Variants in CFAP221 observed in about 807,000 individuals in gnomAD.
The protein encoded by CFAP221 is cilia and flagella associated protein 221.
A neutral mutation model predicts 113.1 loss-of-function variants in CFAP221; 97 were observed. That is an observed-to-expected ratio of 0.86 (90% confidence interval 0.73 to 1.02). The LOEUF (loss-of-function observed/expected upper bound fraction) is 1.02. CFAP221 is among the 50% of genes least tolerant of loss of function. The pLI, the probability that CFAP221 is intolerant of heterozygous loss-of-function variation, is 0.00. For synonymous variants in CFAP221, 331 were observed against 354.4 expected (o/e 0.93, Z 0.74); for missense variants, 1,025 against 1,013.4 (o/e 1.01, Z -0.16).
chr2:119,571,834 C>G (rs7596441), intron 6 of CFAP221, among the ~76,000 whole-genome samples: 21,917 of 152,252 alleles, frequency 0.14, 1,661 homozygotes, highest in African/African-American at 0.18. Flanking sequence ...ACCATAAATT[C>G]AGCAAAAGGT....
chr2:119,598,790 C>T (rs1170359553), intron 7 of CFAP221, among the ~76,000 whole-genome samples: 2 of 152,218 alleles, frequency 1.3e-5, no homozygotes, highest in Admixed American at 6.5e-5. Flanking sequence ...GTTGCCTAGA[C>T]TACACCTTCA....
chr2:119,576,887 TG>T (rs1349938355), intron 6 of CFAP221, among the ~76,000 whole-genome samples: 1 of 152,274 alleles, frequency 6.6e-6, no homozygotes. Flanking sequence ...CTTCTGTTTT[TG>T]TTGATCACAT....
intron 15 of CFAP221, among the ~76,000 whole-genome samples, chr2:119,626,174 A>T (rs978907360): frequency 2.0e-4 from 31 of 152,024 alleles, no homozygotes; most frequent in African/African-American, 7.3e-4. Context: ...TCCTTGTGTG[A>T]GTCTGACTCC....
chr2:119,625,802 A>G (rs779137181), intron 15 of CFAP221, 114 bp downstream of exon 15: 14 of 790,702 alleles, frequency 1.8e-5, no homozygotes, highest in Non-Finnish European at 2.8e-5. Context: ...CCAGTCACAA[A>G]TGTTAGTTTC....
chr2:119,621,692 C>T (rs765925313), intron 14 of CFAP221, among the ~76,000 whole-genome samples: 1 of 152,186 alleles, frequency 6.6e-6, no homozygotes, highest in Non-Finnish European at 1.5e-5. Flanking sequence ...AAGAGTCTCT[C>T]AGACGACAGT....
In CFAP221 at chr2:119,626,098, C is replaced by T. The variant is rs191985755; in HGVS notation, c.1516+410C>T. Reference sequence around the variant, plus strand: ...TGCCTTTTCCAGCTCCTGGAGTCCACCTGCATTCCTTGGCTTATGGCCCCT... The same window carrying T: ...TGCCTTTTCCAGCTCCTGGAGTCCATCTGCATTCCTTGGCTTATGGCCCCT... On this transcript the variant is annotated intron_variant, in intron 15 of 23. Transcript: ENST00000413369. Among the ~76,000 whole-genome samples, 653 of 152,284 alleles carry T rather than the reference C, an allele frequency of 4.3e-3. 9 individuals are homozygous for T. The highest frequency in any genetic ancestry group is 5.2e-3 in the Non-Finnish European group (353 of 68,016).
At chr2:119,545,039 G>A (rs1028452232) in intron 1 of CFAP221, 1 of 152,028 alleles carries the variant, frequency 6.6e-6, no homozygotes, top group African/African-American at 2.4e-5. Flanking sequence ...GGTGGTGCGA[G>A]GGGAGGGGAG....
chr2:119,652,185 A>G (rs1314473379), intron 23 of CFAP221, 116 bp downstream of exon 23: 1 of 652,030 alleles, frequency 1.5e-6, no homozygotes, highest in South Asian at 3.0e-5. Flanking sequence ...TGAAAGAGAC[A>G]CATTTCTGGT....
At chr2:119,574,105 A>G (rs1265730133) in intron 6 of CFAP221, among the ~76,000 whole-genome samples, 2 of 152,218 alleles carry the variant, frequency 1.3e-5, no homozygotes, top group African/African-American at 4.8e-5. Context: ...TGTTGACCTT[A>G]TAAAAGCCTA....
At chr2:119,546,457 G>A (rs536297197) in intron 2 of CFAP221, among the ~76,000 whole-genome samples, 187 bp downstream of exon 2, 50 of 152,298 alleles carry the variant, frequency 3.3e-4, no homozygotes, top group Admixed American at 9.2e-4. Context: ...TTTTTGTGGG[G>A]TATGTAAATT....
chr2:119,658,382 T>A (rs1688520022), downstream of CFAP221, among the ~76,000 whole-genome samples: 1 of 152,162 alleles, frequency 6.6e-6, no homozygotes, highest in African/African-American at 2.4e-5. Flanking sequence ...CCTAAGCACA[T>A]CTTTACCTTC....
chr2:119,645,385 C>G (rs1392733111), intron 21 of CFAP221, among the ~76,000 whole-genome samples: 1 of 151,760 alleles, frequency 6.6e-6, no homozygotes, highest in African/African-American at 2.4e-5. Flanking sequence ...TCTAATGTAT[C>G]CTTCCTGTGT....
rs1684583927 is a variant in CFAP221 at position 119,604,487 on chromosome 2, C to G, written c.792-185C>G. Among the ~76,000 whole-genome samples, 3 of 152,096 alleles carry G rather than the reference C, an allele frequency of 2.0e-5. No homozygotes were observed. The South Asian group carries it at 6.2e-4, about 32-fold the overall frequency. On this transcript the variant is annotated intron_variant, in intron 8 of 23. Transcript: ENST00000413369. ...CCGTTGGTGGGCAATTTTGATATCG[C>G]TGATTATACTCTAATGCACTGACAT...
At chr2:119,628,131 C>T (rs895244489) in intron 16 of CFAP221, among the ~76,000 whole-genome samples, 2 of 152,194 alleles carry the variant, frequency 1.3e-5, no homozygotes, top group African/African-American at 4.8e-5. Flanking sequence ...GAGGCAGGCT[C>T]TGCTCAGCTT....
At chr2:119,608,454 C>G (rs867373975) in intron 11 of CFAP221, 48 bp from the exon 12 acceptor site, 8 of 1,382,700 alleles carry the variant, frequency 5.8e-6, no homozygotes, top group East Asian at 2.3e-5. Flanking sequence ...AAAGTTGACT[C>G]TGGTATTCTG....
At chr2:119,623,796 G>C (rs1215115700) in intron 14 of CFAP221, among the ~76,000 whole-genome samples, 2 of 152,188 alleles carry the variant, frequency 1.3e-5, no homozygotes, top group African/African-American at 4.8e-5. Flanking sequence ...AAATGGTGTT[G>C]GGAAAACTGG....
At chr2:119,641,015 CCATCCACCCA>C (rs202154060) in intron 21 of CFAP221, among the ~76,000 whole-genome samples, 3,402 of 152,240 alleles carry the variant, frequency 0.022, 62 homozygotes, top group Non-Finnish European at 0.038. Context: ...TGCAGCCGTC[CCATCCACCCA>C]CATCCACCCA....
rs759591265 is a variant in CFAP221, at chr2:119,608,482, T to G, written c.1134-20T>G. On this transcript the variant is annotated intron_variant, in intron 11 of 23. Coordinates refer to ENST00000413369, the MANE Select transcript of CFAP221 (RefSeq NM_001271049.2). ...GTATTCTGATGGGTTCTGGACACAG[T>G]TTTTTTTTTTTCTCCCCAGGCAGGT... is the stretch of plus-strand genomic sequence containing the variant. The G allele has an allele frequency of 3.8e-6, 5 of 1,315,004 alleles. No individual in the cohort carries two copies. The highest frequency in any genetic ancestry group is 7.2e-5 in the African/African-American group (2 of 27,608). 81.5% of individuals were successfully genotyped at this position (1,315,004 alleles called of 1,614,324 possible).
intron 20 of CFAP221, among the ~76,000 whole-genome samples, chr2:119,639,238 G>T (rs1405785307): frequency 1.3e-5 from 2 of 152,108 alleles, no homozygotes; most frequent in Non-Finnish European, 1.5e-5. Context: ...AGCCCTCCGT[G>T]GGTCCCCGCT....
Sources: allele counts gnomAD v4.1 joint callset (sites outside exome capture counted in the v4.1 genomes callset), GRCh38; gene constraint gnomAD v4.1.1; transcripts MANE v1.5; gene names NCBI Gene and HGNC (gene_info 2026-07-23, HGNC 2026-07-21).